Variants in COA8 observed in about 807,000 individuals in gnomAD.
The protein encoded by COA8 is cytochrome c oxidase assembly factor 8.
A neutral mutation model predicts 22.0 loss-of-function variants in COA8; 20 were observed. The ratio of observed to expected loss-of-function variants is 0.91; its 90% CI spans 0.64 to 1.32. The LOEUF (loss-of-function observed/expected upper bound fraction) is 1.32. Among genes scored for constraint, COA8 ranks in the 40% most tolerant of loss-of-function variants. COA8 has a pLI of 0.00. For synonymous variants in COA8, 105 were observed against 79.9 expected (o/e 1.31, Z -1.68); for missense variants, 266 against 230.0 (o/e 1.16, Z -1.01).
intron 2 of COA8, 45 bp from the exon 3 acceptor site, chr14:103,574,062 A>G (rs1016822245): frequency 9.8e-6 from 15 of 1,523,764 alleles, no homozygotes; most frequent in Non-Finnish European, 1.3e-5. Flanking sequence ...AAGACAGAGA[A>G]AGGAGTTCTG....
At chr14:103,577,788 G>A (rs2142292501) in intron 3 of COA8, among the ~76,000 whole-genome samples, 1 of 152,178 alleles carries the variant, frequency 6.6e-6, no homozygotes, top group Admixed American at 6.5e-5. Flanking sequence ...ACTTTGGGAG[G>A]CTGAGGCAGG....
At chr14:103,570,565 T>C (rs1333022632) in intron 1 of COA8, among the ~76,000 whole-genome samples, 1 of 152,148 alleles carries the variant, frequency 6.6e-6, no homozygotes, top group Non-Finnish European at 1.5e-5. Flanking sequence ...AAACCCCATC[T>C]CTACTAAAAA....
At chr14:103,585,641 A>C (rs2076300693) in intron 3 of COA8, among the ~76,000 whole-genome samples, 1 of 136,564 alleles carries the variant, frequency 7.3e-6, no homozygotes, top group Non-Finnish European at 1.6e-5. Flanking sequence ...AGTGGTGTGA[A>C]CTCGGCTCAC....
chr14:103,587,442 C>T (rs1196874551), intron 4 of COA8, 78 bp downstream of exon 4: 3 of 870,750 alleles, frequency 3.4e-6, no homozygotes, highest in African/African-American at 1.7e-5. Flanking sequence ...CTGAATTTAA[C>T]AACATTCATG....
At chr14:103,573,836 A>T (rs1417208357) in intron 2 of COA8, among the ~76,000 whole-genome samples, 1 of 152,188 alleles carries the variant, frequency 6.6e-6, no homozygotes, top group Non-Finnish European at 1.5e-5. Flanking sequence ...TATGGGTGTG[A>T]GCCACTGTGC....
intron 1 of COA8, among the ~76,000 whole-genome samples, chr14:103,568,505 G>A (rs975001602): frequency 6.7e-6 from 1 of 149,266 alleles, no homozygotes; most frequent in African/African-American, 2.5e-5. Flanking sequence ...ATACACACAT[G>A]TATACATATA....
In COA8 at chr14:103,575,313, A is replaced by G. The variant is rs147023241; in HGVS notation, c.385+1143A>G. Among the ~76,000 whole-genome samples, 945 of 152,312 alleles carry G rather than the reference A, an allele frequency of 6.2e-3. 15 individuals are homozygous for G. The highest frequency in any genetic ancestry group is 0.021 in the African/African-American group (858 of 41,568). Reference sequence around the variant, plus strand: ...GGGAGAAGTTGTTTTGATTCTTACTAAGGTCCCAGAATCCTATTGATGGCT... The same window carrying G: ...GGGAGAAGTTGTTTTGATTCTTACTGAGGTCCCAGAATCCTATTGATGGCT... On this transcript the variant is annotated intron_variant, in intron 3 of 4. Transcript: ENST00000409074.
chr14:103,579,343 A>G (rs1187147154), intron 3 of COA8: 3 of 218,408 alleles, frequency 1.4e-5, no homozygotes, highest in Non-Finnish European at 2.8e-5. Flanking sequence ...AAATATTGAA[A>G]ATAAAAAATA....
intron 3 of COA8, among the ~76,000 whole-genome samples, chr14:103,579,929 C>T (rs1236289951): frequency 7.2e-6 from 1 of 139,464 alleles, no homozygotes; most frequent in Non-Finnish European, 1.5e-5. Flanking sequence ...TGCCACTGCA[C>T]TCTAGCCTGG....
chr14:103,578,502 G>A (rs2076245019), intron 3 of COA8, among the ~76,000 whole-genome samples: 1 of 152,242 alleles, frequency 6.6e-6, no homozygotes, highest in South Asian at 2.1e-4. Context: ...TTCATTCCCA[G>A]AGTGTTTATG....
rs191197568 is a variant in COA8 at position 103,586,415 on chromosome 14, C to T, written c.386-859C>T. Among the ~76,000 whole-genome samples the T allele has an allele frequency of 1.3e-4, 20 of 151,776 alleles. No homozygotes were observed. In the East Asian group the frequency reaches 3.1e-3, roughly 24 times the overall value. On this transcript the variant is annotated intron_variant, in intron 3 of 4. Transcript: ENST00000409074. Reference sequence around the variant, plus strand: ...GAGAGATGAGGTCTTATTATGTTGCCCAGGCTGGTCTTGAACTCCTGGTCC... The same window carrying T: ...GAGAGATGAGGTCTTATTATGTTGCTCAGGCTGGTCTTGAACTCCTGGTCC...
intron 3 of COA8, among the ~76,000 whole-genome samples, chr14:103,578,637 T>A (rs966088370): frequency 6.6e-6 from 1 of 152,210 alleles, no homozygotes; most frequent in Non-Finnish European, 1.5e-5. Context: ...TCCCTGAACT[T>A]AGCGGTAGGT....
At chr14:103,583,541 C>CAAAAAA (rs35726464) in intron 3 of COA8, among the ~76,000 whole-genome samples, 3 of 53,070 alleles carry the variant, frequency 5.7e-5, no homozygotes, top group Non-Finnish European at 1.0e-4. Context: ...GACTCGATCT[C>CAAAAAA]AAAAAAAAAA....
intron 1 of COA8, among the ~76,000 whole-genome samples, chr14:103,563,719 C>T (rs867996915): frequency 3.3e-5 from 5 of 152,104 alleles, no homozygotes; most frequent in Admixed American, 1.3e-4. Context: ...GCCTTGATTC[C>T]GTCTGTCAGA....
intron 1 of COA8, among the ~76,000 whole-genome samples, chr14:103,569,976 C>A (rs796515299): frequency 9.9e-5 from 15 of 152,240 alleles, no homozygotes; most frequent in African/African-American, 3.6e-4. Flanking sequence ...CCTGGCTCAG[C>A]CTCTCATATA....
intron 3 of COA8, among the ~76,000 whole-genome samples, chr14:103,580,122 G>T (rs2076256570): frequency 6.6e-6 from 1 of 152,112 alleles, no homozygotes. Context: ...TGCCACTCAG[G>T]CTGGAGTGCA....
chr14:103,571,988 G>C (rs148563136), intron 2 of COA8, among the ~76,000 whole-genome samples, 168 bp downstream of exon 2: 1 of 152,086 alleles, frequency 6.6e-6, no homozygotes, highest in African/African-American at 2.4e-5. Flanking sequence ...TTAGCCCGGC[G>C]TGGTGGCGGG....
At chr14:103,576,758 C>A (rs550197521) in intron 3 of COA8, among the ~76,000 whole-genome samples, 69 of 152,352 alleles carry the variant, frequency 4.5e-4, no homozygotes, top group African/African-American at 1.3e-3. Flanking sequence ...CTCAGGCTGG[C>A]TCCAGCCCGG....
intron 2 of COA8, among the ~76,000 whole-genome samples, chr14:103,572,831 G>A (rs1267048672): frequency 6.7e-6 from 1 of 150,208 alleles, no homozygotes; most frequent in African/African-American, 2.5e-5. Flanking sequence ...TCACCAAGCT[G>A]GAGTGCAGTG....
Sources: gnomAD v4.1 joint callset for allele counts (sites outside exome capture counted in the v4.1 genomes callset) on GRCh38, gnomAD v4.1.1 for gene constraint, MANE v1.5 for transcripts, NCBI Gene and HGNC (gene_info 2026-07-23, HGNC 2026-07-21) for gene names.